Variants in SYNJ1 observed in about 807,000 individuals in gnomAD.
SYNJ1 encodes synaptojanin 1, also known as polyphosphatidylinositol phosphatase SYNJ1.
Under a neutral mutation model 168.2 loss-of-function variants are expected in SYNJ1, and 78 were observed. That is an observed-to-expected ratio of 0.46 (90% CI 0.39 to 0.56). The LOEUF is 0.56. SYNJ1 is among the 20% of genes least tolerant of loss of function. The pLI is 0.00. For synonymous variants in SYNJ1, 539 were observed against 548.6 expected, an observed-to-expected ratio of 0.98 and a Z score of 0.24; for missense variants, 1,303 against 1,597.6, an observed-to-expected ratio of 0.82 and a Z score of 3.14.
Position 32,699,819 on chromosome 21 carries a change from A to G in SYNJ1, c.479+19T>C. 2 of 1,600,144 alleles carry G rather than the reference A, an allele frequency of 1.2e-6. No individual in the cohort carries two copies. The highest frequency in any genetic ancestry group is 1.7e-6 in the Non-Finnish European group (2 of 1,173,370). Reference sequence around the variant, plus strand: ...ACATATTATGTCCCAAATCACCAAAAGGGAAAAAATGAACTCACCAGAAAA... The same window carrying G: ...ACATATTATGTCCCAAATCACCAAAGGGGAAAAAATGAACTCACCAGAAAA... On this transcript the variant is annotated intron_variant, in intron 4 of 32. Coordinates refer to ENST00000674351, the MANE Select transcript of SYNJ1 (RefSeq NM_203446.3).
rs570298309 is a variant in SYNJ1, at chr21:32,631,764, G to A, written c.*41C>T. On this transcript the variant is annotated 3_prime_UTR_variant, in exon 33 of 33. Transcript: ENST00000674351. ...TTCAAATGGGTCAATCTTTAATGGT[G>A]ATTCTCTTTTGCCATCAGAGATTCC... 1.1e-5 allele frequency: 17 copies of A among 1,613,050 alleles called. No individual in the cohort carries two copies. The South Asian group carries it at 1.5e-4, about 15-fold the overall frequency.
At chr21:32,703,299 C>T (rs945610907) in intron 2 of SYNJ1, among the ~76,000 whole-genome samples, 5 of 152,190 alleles carry the variant, frequency 3.3e-5, no homozygotes, top group African/African-American at 1.2e-4. Context: ...TTCGCCAACC[C>T]GTTAAAGTGA....
In SYNJ1 at chr21:32,630,702, C is replaced by T. The variant is rs1044625624; in HGVS notation, c.*1103G>A. ...TTTTTGAGATTCTTCAGAAGACTGA[C>T]CGAAAAGTTTCTGAATAAGGACTGT... is the stretch of plus-strand genomic sequence containing the variant. On this transcript the variant is annotated 3_prime_UTR_variant, in exon 33 of 33. Transcript: ENST00000674351. 4.3e-5 allele frequency: 9 copies of T among 208,446 alleles called. No homozygotes were observed. Among genetic ancestry groups the T allele is most frequent in the African/African-American group, 1.8e-4 (8 of 43,496 alleles). 12.9% of individuals were successfully genotyped at this position (208,446 alleles called of 1,614,324 possible).
At chr21:32,640,404 T>G (rs2039778655) in intron 29 of SYNJ1, among the ~76,000 whole-genome samples, 1 of 152,112 alleles carries the variant, frequency 6.6e-6, no homozygotes, top group South Asian at 2.1e-4. Context: ...TCTGGCACTT[T>G]CCTGCCTCAG....
At chr21:32,634,982 G>T in intron 31 of SYNJ1, 98 bp from the exon 32 acceptor site, 1 of 1,249,056 alleles carries the variant, frequency 8.0e-7, no homozygotes, top group Non-Finnish European at 1.2e-6. Context: ...TGCTTTCTAA[G>T]TTACAGACAG....
chr21:32,670,467 G>A, intron 14 of SYNJ1, 95 bp from the exon 15 acceptor site: 1 of 919,080 alleles, frequency 1.1e-6, no homozygotes, highest in Non-Finnish European at 1.6e-6. Flanking sequence ...CATAAAGACT[G>A]ATTTCTGTGT....
chr21:32,647,792 C>A (rs892859045), intron 23 of SYNJ1, among the ~76,000 whole-genome samples: 2 of 152,194 alleles, frequency 1.3e-5, no homozygotes, highest in African/African-American at 2.4e-5. Context: ...CTAAAGAAAA[C>A]CACCCAGTCC....
At chr21:32,716,583 A>T (rs1303874258) in intron 2 of SYNJ1, among the ~76,000 whole-genome samples, 1 of 152,182 alleles carries the variant, frequency 6.6e-6, no homozygotes, top group Non-Finnish European at 1.5e-5. Flanking sequence ...TACTTTTAAG[A>T]TCTTCTCTGT....
chr21:32,694,087 AG>A (rs1293995928), intron 6 of SYNJ1, 140 bp downstream of exon 6: 11 of 538,162 alleles, frequency 2.0e-5, no homozygotes, highest in Non-Finnish European at 3.4e-5. Flanking sequence ...GTACTCGTCT[AG>A]ACCCTTATTT....
At chr21:32,705,705 G>A (rs1364940301) in intron 2 of SYNJ1, among the ~76,000 whole-genome samples, 1 of 151,920 alleles carries the variant, frequency 6.6e-6, no homozygotes, top group East Asian at 1.9e-4. Flanking sequence ...ACCAACAGGG[G>A]CCTGGCACAG....
chr21:32,712,779 T>A (rs928755), intron 2 of SYNJ1, among the ~76,000 whole-genome samples: 26,568 of 152,140 alleles, frequency 0.17, 2,856 homozygotes, highest in East Asian at 0.35. Context: ...TTTTAAATTG[T>A]TTGTTGGAGG....
intron 18 of SYNJ1, among the ~76,000 whole-genome samples, chr21:32,658,205 T>C (rs2040538217): frequency 6.6e-6 from 1 of 152,134 alleles, no homozygotes. Context: ...TGTTGCTTTT[T>C]CCAAAACCAC....
intron 25 of SYNJ1, 98 bp downstream of exon 25, chr21:32,645,548 G>GT: frequency 7.2e-7 from 1 of 1,389,046 alleles, no homozygotes. Context: ...AGAAAAAACT[G>GT]TAAAATCCAG....
At chr21:32,727,779 G>A (rs28756216) in intron 1 of SYNJ1, 167 bp downstream of exon 1, 21 of 1,375,864 alleles carry the variant, frequency 1.5e-5, no homozygotes, top group Admixed American at 2.7e-5. Flanking sequence ...ACAACCAGTG[G>A]TCTGCTCACA....
chr21:32,691,556 A>C (rs900336954), intron 6 of SYNJ1, among the ~76,000 whole-genome samples: 2 of 152,236 alleles, frequency 1.3e-5, no homozygotes, highest in African/African-American at 4.8e-5. Context: ...GAGTATTATA[A>C]GTTATAAATG....
Position 32,656,880 on chromosome 21 carries a change from TATCA to T in SYNJ1, c.2598_2601del (p.Asp867Ter). The T allele has an allele frequency of 6.2e-7, 1 of 1,614,156 alleles. No homozygotes were observed. The highest frequency in any genetic ancestry group is 8.5e-7 in the Non-Finnish European group (1 of 1,180,018). Reference sequence around the variant, plus strand: ...TCAGCTTCAACTTCAAATATATCTATATCAATCAGGGCAACGACAGGCCTTAAGG... The same window carrying T: ...TCAGCTTCAACTTCAAATATATCTATATCAGGGCAACGACAGGCCTTAAGG... On this transcript the variant is annotated frameshift_variant, in exon 21 of 33. Coordinates refer to ENST00000674351, the MANE Select transcript of SYNJ1 (RefSeq NM_203446.3). LOFTEE classifies it high-confidence loss of function.
At chr21:32,709,867 T>C (rs969699741) in intron 2 of SYNJ1, among the ~76,000 whole-genome samples, 7 of 152,196 alleles carry the variant, frequency 4.6e-5, no homozygotes, top group South Asian at 2.1e-4. Flanking sequence ...TTAAAGAGTA[T>C]TGACAGAATT....
Position 32,681,478 on chromosome 21 carries a change from T to C in SYNJ1, c.1353+18A>G, listed in dbSNP as rs984354233. 1 of 1,594,170 alleles carries C rather than the reference T, an allele frequency of 6.3e-7. No individual in the cohort carries two copies. Among genetic ancestry groups the C allele is most frequent in the Non-Finnish European group, 8.5e-7 (1 of 1,170,148 alleles). Reference sequence around the variant, plus strand: ...AAAAAGAGGATATTCTGTAATGTTATGATAGATCTAGATATACCTTCGCTT... The same window carrying C: ...AAAAAGAGGATATTCTGTAATGTTACGATAGATCTAGATATACCTTCGCTT... On this transcript the variant is annotated intron_variant, in intron 11 of 32. Coordinates refer to ENST00000674351, the MANE Select transcript of SYNJ1 (RefSeq NM_203446.3).
In SYNJ1 at chr21:32,710,263, T is replaced by C. The variant is rs1002616368; in HGVS notation, c.125-8216A>G. Among the ~76,000 whole-genome samples the C allele has an allele frequency of 4.6e-5, 7 of 152,022 alleles. No individual in the cohort carries two copies. The East Asian group carries it at 7.7e-4, about 17-fold the overall frequency. ...AGGAGGGAGAGATAGTAGGTAGAAA[T>C]ATAGAAAAACAAAAGTGTCCATGAG... On this transcript the variant is annotated intron_variant, in intron 2 of 32. Coordinates refer to ENST00000674351, the MANE Select transcript of SYNJ1 (RefSeq NM_203446.3).
Sources: gnomAD v4.1 joint callset for allele counts (sites outside exome capture counted in the v4.1 genomes callset) on GRCh38, gnomAD v4.1.1 for gene constraint, MANE v1.5 for transcripts, NCBI Gene and HGNC (gene_info 2026-07-23, HGNC 2026-07-21) for gene names.